Variants in TRAPPC3L observed in about 807,000 individuals in gnomAD.
TRAPPC3L encodes trafficking protein particle complex subunit 3-like protein.
In TRAPPC3L, 23 loss-of-function variants were observed where a neutral mutation model predicts 23.7. The observed-to-expected ratio is 0.97, with a 90% CI of 0.70 to 1.37. The LOEUF (loss-of-function observed/expected upper bound fraction) is 1.37, where lower values mean the gene tolerates loss of function less well. Ranked by LOEUF, TRAPPC3L falls within the 40% of genes most tolerant of loss-of-function variation. The pLI is 0.00. For missense variants in TRAPPC3L, 212 were observed against 216.8 expected (o/e 0.98, Z 0.14); for synonymous variants, 81 against 77.9 (o/e 1.04, Z -0.21).
chr6:116,502,393 A>G (rs1173918156), intron 3 of TRAPPC3L, among the ~76,000 whole-genome samples: 2 of 152,230 alleles, frequency 1.3e-5, no homozygotes, highest in Non-Finnish European at 2.9e-5. Flanking sequence ...CCAAATCTAC[A>G]TTTGATCAGT....
chr6:116,534,384 T>C (rs1015329534), intron 3 of TRAPPC3L, among the ~76,000 whole-genome samples: 8 of 152,310 alleles, frequency 5.3e-5, no homozygotes, highest in South Asian at 2.1e-4. Flanking sequence ...GCTCAGGAGT[T>C]TTGGCTTGAA....
At chr6:116,513,739 G>T (rs1404809952) in intron 3 of TRAPPC3L, among the ~76,000 whole-genome samples, 1 of 152,190 alleles carries the variant, frequency 6.6e-6, no homozygotes, top group East Asian at 1.9e-4. Flanking sequence ...GTGTACATGT[G>T]CCTGGAGGCG....
chr6:116,510,804 G>A (rs1431330649), intron 3 of TRAPPC3L, among the ~76,000 whole-genome samples: 6 of 152,014 alleles, frequency 3.9e-5, no homozygotes, highest in Admixed American at 3.9e-4. Context: ...AAACTGTGGT[G>A]TATATATACC....
At chr6:116,513,908 C>A (rs1418515424) in intron 3 of TRAPPC3L, among the ~76,000 whole-genome samples, 1 of 152,124 alleles carries the variant, frequency 6.6e-6, no homozygotes. Flanking sequence ...GCTATGTGAC[C>A]TAGAACTAGT....
intron 4 of TRAPPC3L, among the ~76,000 whole-genome samples, chr6:116,497,795 A>G (rs1304581795): frequency 1.3e-5 from 2 of 152,174 alleles, no homozygotes; most frequent in Non-Finnish European, 2.9e-5. Context: ...ATTTATTGGG[A>G]AAAATAAGAT....
chr6:116,512,083 G>A lies in TRAPPC3L; in HGVS notation c.241-11417C>T, dbSNP rs746209893. On this transcript the variant is annotated intron_variant, in intron 3 of 4. Coordinates refer to ENST00000368602, the MANE Select transcript of TRAPPC3L (RefSeq NM_001139444.3). The stretch of plus-strand genomic sequence containing the variant: ...ATGGAACTTTCTATGAATGTGCCAT[G>A]AGCGGGACGAGAAGTTCAGGACTCC... 104 of 1,613,950 alleles carry A rather than the reference G, an allele frequency of 6.4e-5. No individual in the cohort carries two copies. Among genetic ancestry groups the A allele is most frequent in the Non-Finnish European group, 8.4e-5 (99 of 1,180,006 alleles).
At chr6:116,510,885 G>T (rs563590758) in intron 3 of TRAPPC3L, among the ~76,000 whole-genome samples, 1 of 151,836 alleles carries the variant, frequency 6.6e-6, no homozygotes, top group Non-Finnish European at 1.5e-5. Context: ...AGCTAGAGGC[G>T]TTATTCCAAG....
Position 116,497,073 on chromosome 6 carries a change from C to A in TRAPPC3L, c.427G>T (p.Val143Phe). Residue 143 changes from valine to phenylalanine, a missense_variant and splice_region_variant, in exon 5 of 5, where the codon GTT (valine) becomes TTT (phenylalanine). Transcript: ENST00000368602. ...AATGTAACATCAGCCGCCAAATGAACCTAGGAAAGAAGAAAAAAACAGGCC... is the reference window on the plus strand; with the variant it reads ...AATGTAACATCAGCCGCCAAATGAAACTAGGAAAGAAGAAAAAAACAGGCC... ...CGIIRGALEM[V>F]HLAADVTFLQ... 1 of 1,536,570 alleles carries A rather than the reference C, an allele frequency of 6.5e-7. No homozygotes were observed. The highest frequency in any genetic ancestry group is 8.8e-7 in the Non-Finnish European group (1 of 1,142,518).
At chr6:116,511,509 T>A in intron 3 of TRAPPC3L, 1 of 586,156 alleles carries the variant, frequency 1.7e-6, no homozygotes, top group Non-Finnish European at 3.0e-6. Flanking sequence ...TTTCCACCAG[T>A]AGGAGGCATT....
chr6:116,511,106 G>GTATATATATA (rs59896067), intron 3 of TRAPPC3L, among the ~76,000 whole-genome samples: 22 of 140,848 alleles, frequency 1.6e-4, no homozygotes, highest in Non-Finnish European at 6.1e-5. Context: ...ATATATATAT[G>GTATATATATA]TATATATATA....
intron 3 of TRAPPC3L, among the ~76,000 whole-genome samples, chr6:116,513,775 G>A (rs774153856): frequency 6.6e-6 from 1 of 152,070 alleles, no homozygotes; most frequent in Non-Finnish European, 1.5e-5. Flanking sequence ...CCATGGGTGG[G>A]GCAGATAAAA....
At chr6:116,499,577 T>G (rs1327354463) in intron 4 of TRAPPC3L, among the ~76,000 whole-genome samples, 1 of 152,224 alleles carries the variant, frequency 6.6e-6, no homozygotes, top group African/African-American at 2.4e-5. Context: ...CATGACAATC[T>G]GTCTCCCAAT....
intron 3 of TRAPPC3L, chr6:116,515,627 G>T (rs766793617): frequency 6.2e-7 from 1 of 1,612,956 alleles, no homozygotes; most frequent in Admixed American, 1.7e-5. Flanking sequence ...GATTTGTTCA[G>T]CGTCTTTCTT....
At chr6:116,525,190 T>C (rs1017933235) in intron 3 of TRAPPC3L, among the ~76,000 whole-genome samples, 3 of 152,210 alleles carry the variant, frequency 2.0e-5, no homozygotes, top group African/African-American at 4.8e-5. Context: ...TCTCAAAGTC[T>C]CAACTCTGTT....
chr6:116,544,456 A>G (rs534322335), intron 1 of TRAPPC3L, among the ~76,000 whole-genome samples: 136 of 152,222 alleles, frequency 8.9e-4, no homozygotes, highest in African/African-American at 3.2e-3. Flanking sequence ...ACCTTGAACT[A>G]TCTGTTCAAT....
intron 3 of TRAPPC3L, among the ~76,000 whole-genome samples, chr6:116,530,313 T>C (rs1490621909): frequency 6.6e-6 from 1 of 152,224 alleles, no homozygotes; most frequent in Non-Finnish European, 1.5e-5. Context: ...ATCTGGGCAC[T>C]TTTCCTATTC....
chr6:116,529,679 C>T (rs1772579115), intron 3 of TRAPPC3L, among the ~76,000 whole-genome samples: 1 of 152,212 alleles, frequency 6.6e-6, no homozygotes, highest in East Asian at 1.9e-4. Flanking sequence ...AATGATGTGC[C>T]TTCCACCCTC....
intron 3 of TRAPPC3L, among the ~76,000 whole-genome samples, chr6:116,533,248 C>T (rs781230399): frequency 1.6e-4 from 24 of 152,108 alleles, no homozygotes; most frequent in Non-Finnish European, 2.6e-4. Context: ...AGAAAGCGAA[C>T]ATAGATTTGG....
Position 116,540,438 on chromosome 6 carries a change from A to G in TRAPPC3L, c.165T>C (p.Leu55=). Residue 55 remains leucine (L), a synonymous_variant, in exon 3 of 5, where the codon CTT becomes CTC. Transcript: ENST00000368602. ...AGGATCGAGCCAAAAAGTCTTCCAC[A>G]AGCCGCGTTCCAATGCCGTAACCCC... ...DKMGYGIGTR[L]VEDFLARSCV... is the part of the protein sequence containing the mutation. The G allele has an allele frequency of 6.4e-7, 1 of 1,551,382 alleles. No individual in the cohort carries two copies. The highest frequency in any genetic ancestry group is 8.7e-7 in the Non-Finnish European group (1 of 1,146,752).
Sources: gnomAD v4.1 joint callset for allele counts (sites outside exome capture counted in the v4.1 genomes callset) on GRCh38, gnomAD v4.1.1 for gene constraint, MANE v1.5 for transcripts, NCBI Gene and HGNC (gene_info 2026-07-23, HGNC 2026-07-21) for gene names.